The following ANKFN1 variants were observed in gnomAD, a reference collection of about 807,000 sequenced individuals.
ANKFN1 encodes ankyrin repeat and fibronectin type-III domain-containing protein 1.
Under a neutral mutation model 108.7 loss-of-function variants are expected in ANKFN1, and 74 were observed. The ratio of observed to expected loss-of-function variants is 0.68; its 90% CI spans 0.56 to 0.83. ANKFN1 has a LOEUF of 0.83. Ranked by LOEUF, ANKFN1 falls within the 40% of genes least tolerant of loss-of-function variation. The pLI is 0.00. For missense variants in ANKFN1, 1,505 were observed against 1,382.3 expected, an observed-to-expected ratio of 1.09 and a Z score of -1.41; for synonymous variants, 547 against 516.2, an observed-to-expected ratio of 1.06 and a Z score of -0.81.
intron 2 of ANKFN1, among the ~76,000 whole-genome samples, chr17:56,224,327 G>A (rs1028800479): frequency 5.9e-5 from 9 of 152,152 alleles, no homozygotes; most frequent in African/African-American, 2.2e-4. Context: ...TCCTACCATA[G>A]CATTAAGTAA....
At chr17:56,428,117 C>T (rs1364761012) in intron 8 of ANKFN1, among the ~76,000 whole-genome samples, 2 of 151,846 alleles carry the variant, frequency 1.3e-5, no homozygotes, top group African/African-American at 4.8e-5. Flanking sequence ...ACCTGTAATC[C>T]CAGCTACTCA....
intron 3 of ANKFN1, chr17:56,258,111 CCTT>C (rs1347905009): frequency 6.6e-6 from 1 of 152,258 alleles, no homozygotes; most frequent in East Asian, 1.9e-4. Context: ...AAATTCAGTT[CCTT>C]CTTCTTTCCA....
At chr17:56,208,485 C>G (rs776022670) in intron 1 of ANKFN1, among the ~76,000 whole-genome samples, 1 of 152,180 alleles carries the variant, frequency 6.6e-6, no homozygotes, top group Non-Finnish European at 1.5e-5. Flanking sequence ...AGCTGTCCCC[C>G]GGGGATAAGG....
intron 1 of ANKFN1, among the ~76,000 whole-genome samples, chr17:56,205,655 AT>A (rs1372761945): frequency 2.0e-5 from 3 of 151,384 alleles, no homozygotes; most frequent in Non-Finnish European, 4.4e-5. Context: ...GAAATTTCTG[AT>A]TTTTTTTTCA....
At chr17:56,092,080 A>T (rs1905430385) in intron 4 of ANKFN1, among the ~76,000 whole-genome samples, 1 of 151,420 alleles carries the variant, frequency 6.6e-6, no homozygotes, top group South Asian at 2.1e-4. Context: ...ATATGTTTAC[A>T]AAAGAAAAAC....
intron 15 of ANKFN1, among the ~76,000 whole-genome samples, chr17:56,467,834 GAAA>G (rs2050175459): frequency 1.7e-5 from 1 of 60,294 alleles, no homozygotes; most frequent in Non-Finnish European, 3.1e-5. Context: ...AAGAAAGAAA[GAAA>G]GAAAGAAAGA....
intron 8 of ANKFN1, among the ~76,000 whole-genome samples, chr17:56,432,807 T>C (rs1422318957): frequency 6.6e-6 from 1 of 152,216 alleles, no homozygotes; most frequent in East Asian, 1.9e-4. Context: ...GAGTACCTCA[T>C]TCTTGACTCC....
At chr17:56,177,958 A>G (rs1215374239) in intron 1 of ANKFN1, among the ~76,000 whole-genome samples, 3 of 152,218 alleles carry the variant, frequency 2.0e-5, no homozygotes, top group African/African-American at 7.2e-5. Context: ...GAATGTCACA[A>G]TGGAATTGGT....
At chr17:56,308,292 AG>A (rs2044902116) in intron 3 of ANKFN1, among the ~76,000 whole-genome samples, 2 of 152,150 alleles carry the variant, frequency 1.3e-5, no homozygotes, top group African/African-American at 2.4e-5. Flanking sequence ...TGCAAAAAAA[AG>A]ATTTTAATTT....
intron 4 of ANKFN1, among the ~76,000 whole-genome samples, chr17:56,336,028 T>C (rs1256596686): frequency 6.6e-6 from 1 of 152,146 alleles, no homozygotes; most frequent in East Asian, 1.9e-4. Context: ...TATTGATTTT[T>C]GTATGTTGAA....
chr17:56,461,414 AC>A (rs2049897853), intron 14 of ANKFN1, among the ~76,000 whole-genome samples: 6 of 152,176 alleles, frequency 3.9e-5, no homozygotes, highest in African/African-American at 7.2e-5. Context: ...CTTGGCTTCC[AC>A]AATTTCACAC....
rs1049457665 is a variant in ANKFN1, at chr17:56,511,639, A to G, written c.*370A>G. 3.8e-5 allele frequency: 7 copies of G among 185,092 alleles called. No individual in the cohort carries two copies. Among genetic ancestry groups the G allele is most frequent in the African/African-American group, 1.4e-4 (6 of 42,720 alleles). The allele number at this position is 185,092 out of a possible 1,614,324, so 11.5% of individuals were successfully genotyped here. ...CTGACCCCTAGTTTAGGGCTCTTTC[A>G]TGAATTTGTGATTGATGAAGAGAAG... On this transcript the variant is annotated 3_prime_UTR_variant, in exon 21 of 21. Transcript: ENST00000682825.
intron 18 of ANKFN1, among the ~76,000 whole-genome samples, chr17:56,483,290 G>A (rs1160093964): frequency 6.6e-6 from 1 of 152,152 alleles, no homozygotes; most frequent in Non-Finnish European, 1.5e-5. Context: ...CCAGTAAGAG[G>A]CAATTAGCAA....
chr17:56,185,222 C>G (rs1912077691), intron 1 of ANKFN1, among the ~76,000 whole-genome samples: 1 of 152,132 alleles, frequency 6.6e-6, no homozygotes, highest in South Asian at 2.1e-4. Flanking sequence ...TGAGTTCACT[C>G]CTGTGATCCA....
Position 56,449,020 on chromosome 17 carries a change from C to A in ANKFN1, c.1100-59C>A, listed in dbSNP as rs2049392283. ...CAAAACTCCGGCTCCTGACGCAGGG[C>A]AAGGAAGAGGCCTCCCCTGTTTTAA... is the stretch of plus-strand genomic sequence containing the variant. On this transcript the variant is annotated intron_variant, in intron 10 of 20. Coordinates refer to ENST00000682825, the MANE Select transcript of ANKFN1 (RefSeq NM_001370326.1). 8.2e-6 allele frequency: 12 copies of A among 1,466,060 alleles called. No individual in the cohort carries two copies. The East Asian group carries it at 2.3e-4, about 28-fold the overall frequency. The allele number at this position is 1,466,060 out of a possible 1,614,324, so 90.8% of individuals were successfully genotyped here.
chr17:56,058,030 AC>A (rs1164112024), intron 4 of ANKFN1, among the ~76,000 whole-genome samples: 1 of 152,238 alleles, frequency 6.6e-6, no homozygotes, highest in East Asian at 1.9e-4. Context: ...CATGCCGTAC[AC>A]AGATGTGCTG....
At chr17:56,094,646 G>A (rs1455596261) in intron 4 of ANKFN1, among the ~76,000 whole-genome samples, 1 of 129,244 alleles carries the variant, frequency 7.7e-6, no homozygotes, top group Admixed American at 7.8e-5. Context: ...TGGGACTACA[G>A]GCGCACACCA....
chr17:56,177,327 CCAA>C (rs1406117739), intron 1 of ANKFN1, among the ~76,000 whole-genome samples: 1 of 152,172 alleles, frequency 6.6e-6, no homozygotes, highest in African/African-American at 2.4e-5. Context: ...CTGCCACTGC[CCAA>C]CAACACAGAT....
intron 4 of ANKFN1, among the ~76,000 whole-genome samples, chr17:56,135,962 G>T (rs962875113): frequency 2.6e-5 from 4 of 152,170 alleles, no homozygotes; most frequent in African/African-American, 9.7e-5. Flanking sequence ...ATTCCACAGA[G>T]ATTGTAGTGG....
Sources: gnomAD v4.1 joint callset for allele counts (sites outside exome capture counted in the v4.1 genomes callset) on GRCh38, gnomAD v4.1.1 for gene constraint, MANE v1.5 for transcripts, NCBI Gene and HGNC (gene_info 2026-07-23, HGNC 2026-07-21) for gene names.